The following PSMG4 variants were observed in gnomAD, a reference collection of about 807,000 sequenced individuals.
PSMG4 encodes the protein proteasome (prosome, macropain) assembly chaperone 4.
Under a neutral mutation model 11.0 loss-of-function variants are expected in PSMG4, and 10 were observed. The ratio of observed to expected loss-of-function variants is 0.91; its 90% CI spans 0.56 to 1.54. The LOEUF (loss-of-function observed/expected upper bound fraction) is 1.54. Ranked by LOEUF, PSMG4 falls within the 40% of genes most tolerant of loss-of-function variation. PSMG4 has a pLI of 0.00. For missense variants in PSMG4, 198 were observed against 160.9 expected, an observed-to-expected ratio of 1.23 and a Z score of -1.25; for synonymous variants, 95 against 71.3, an observed-to-expected ratio of 1.33 and a Z score of -1.68.
intron 2 of PSMG4, chr6:3,264,240 G>C: frequency 6.4e-7 from 1 of 1,551,502 alleles, no homozygotes; most frequent in Admixed American, 2.0e-5. Context: ...TGGCCTGTGA[G>C]TGTGGCGTAG....
chr6:3,263,836 T>C (rs1758085167), intron 2 of PSMG4, 77 bp downstream of exon 2: 9 of 1,510,772 alleles, frequency 6.0e-6, no homozygotes, highest in Non-Finnish European at 7.1e-6. Flanking sequence ...GCAAGTCCCT[T>C]CGGAAGTAAA....
Position 3,260,291 on chromosome 6 carries a change from A to ATATTTTT in PSMG4, c.174+1096_174+1097insATTTTTT. 1.7e-3 allele frequency among the ~76,000 whole-genome samples: 120 copies of ATATTTTT among 70,854 alleles called. 1 individual carries two copies. Among genetic ancestry groups the ATATTTTT allele is most frequent in the Non-Finnish European group, 2.6e-3 (101 of 39,602 alleles). 46.5% of individuals were successfully genotyped at this position (70,854 alleles called of 152,430 possible). On this transcript the variant is annotated intron_variant, in intron 1 of 2. Coordinates refer to ENST00000438998, the MANE Select transcript of PSMG4 (RefSeq NM_001128591.2). ...TGTCTTAAATTGTATATATATATAT[A>ATATTTTT]TTTTTTTTTTTTTTTTTTGAAGCAA...
chr6:3,255,532 G>A (rs936478170), upstream of PSMG4, among the ~76,000 whole-genome samples: 4 of 152,284 alleles, frequency 2.6e-5, no homozygotes, highest in East Asian at 7.7e-4. Context: ...CCATGAGTCT[G>A]TATAGACTCC....
At chr6:3,262,185 A>G (rs1470803879) in intron 1 of PSMG4, among the ~76,000 whole-genome samples, 2 of 152,164 alleles carry the variant, frequency 1.3e-5, no homozygotes, top group Admixed American at 1.3e-4. Context: ...CCCGGCCTCT[A>G]GGAGTGGAAG....
At chr6:3,264,232 G>A (rs367666695) in intron 2 of PSMG4, 7 of 1,551,490 alleles carry the variant, frequency 4.5e-6, no homozygotes, top group Middle Eastern at 1.7e-4. Flanking sequence ...GACTGGCCTG[G>A]CCTGTGAGTG....
intron 1 of PSMG4, among the ~76,000 whole-genome samples, chr6:3,260,614 T>A (rs1757954714): frequency 6.6e-6 from 1 of 152,146 alleles, no homozygotes; most frequent in South Asian, 2.1e-4. Context: ...GTGCCGGGAT[T>A]ATAGGCGTTA....
upstream of PSMG4, among the ~76,000 whole-genome samples, chr6:3,254,667 C>G (rs748271600): frequency 6.6e-6 from 1 of 152,222 alleles, no homozygotes; most frequent in South Asian, 2.1e-4. Flanking sequence ...TTCCTTCAAG[C>G]TGCGAAACCA....
upstream of PSMG4, among the ~76,000 whole-genome samples, chr6:3,255,452 C>T (rs576300549): frequency 2.9e-3 from 233 of 79,508 alleles, 1 homozygote; most frequent in Non-Finnish European, 8.9e-3. Context: ...CTCAGACCAC[C>T]ACCTCTTTTA....
chr6:3,264,354 C>T, intron 2 of PSMG4: 2 of 1,541,228 alleles, frequency 1.3e-6, no homozygotes, highest in South Asian at 2.4e-5. Flanking sequence ...CTGCGACCCC[C>T]AGCCCCAGTG....
chr6:3,267,506 C>T (rs565681577), intron 2 of PSMG4, 85 bp from the exon 3 acceptor site: 1 of 1,465,496 alleles, frequency 6.8e-7, no homozygotes, highest in African/African-American at 1.4e-5. Context: ...TCTTTCTGAG[C>T]ATTTCCCAGC....
chr6:3,264,427 C>T, intron 2 of PSMG4: 3 of 1,473,618 alleles, frequency 2.0e-6, no homozygotes, highest in Non-Finnish European at 2.7e-6. Flanking sequence ...CCAGTAGGCC[C>T]AGCTGCTTCT....
chr6:3,254,905 C>T (rs535021183), upstream of PSMG4: 28 of 869,320 alleles, frequency 3.2e-5, no homozygotes, highest in African/African-American at 1.1e-4. Flanking sequence ...AGTGAATGAT[C>T]TCTGAGCTGG....
chr6:3,254,981 G>A (rs1463620195), upstream of PSMG4: 34 of 1,482,084 alleles, frequency 2.3e-5, no homozygotes, highest in Non-Finnish European at 2.9e-5. Context: ...TGTGGCTGTG[G>A]ATCCCATGGA....
intron 1 of PSMG4, 76 bp downstream of exon 1, chr6:3,259,272 C>G (rs1253896648): frequency 1.7e-6 from 2 of 1,188,680 alleles, no homozygotes; most frequent in Non-Finnish European, 2.1e-6. Context: ...AGCTGCAGCC[C>G]CCCAGGCTTC....
upstream of PSMG4, chr6:3,255,200 TTGG>T: frequency 6.4e-7 from 1 of 1,550,402 alleles, no homozygotes; most frequent in Admixed American, 2.0e-5. Context: ...AGTAGGATGT[TTGG>T]TGGCAGCAGG....
At chr6:3,255,762 T>C (rs1046305523), upstream of PSMG4, among the ~76,000 whole-genome samples, 1 of 152,254 alleles carries the variant, frequency 6.6e-6, no homozygotes, top group Non-Finnish European at 1.5e-5. Context: ...ACCAATGTGA[T>C]ATTCTGTGGA....
At chr6:3,254,457 TTG>T (rs1554128576), upstream of PSMG4, among the ~76,000 whole-genome samples, 4 of 151,364 alleles carry the variant, frequency 2.6e-5, no homozygotes, top group South Asian at 8.4e-4. Flanking sequence ...TCTGCTTTTT[TTG>T]TGTGTCTTTT....
Position 3,264,761 on chromosome 6 carries a change from G to C in PSMG4, c.250+1002G>C, listed in dbSNP as rs149181910. 5.2e-4 allele frequency: 80 copies of C among 155,330 alleles called. 1 individual carries two copies. The South Asian group carries it at 0.012, about 23-fold the overall frequency. 9.6% of individuals were successfully genotyped at this position (155,330 alleles called of 1,614,324 possible). A position where few individuals can be genotyped will look rare whatever the true frequency, so the allele number is the denominator to read the frequency against. The stretch of plus-strand genomic sequence containing the variant: ...TTACAGAAAAGTTGCAAAGAAGATA[G>C]AATTCCTGCTTAGCTTTTGCCCCAA... On this transcript the variant is annotated intron_variant, in intron 2 of 2. Transcript: ENST00000438998.
chr6:3,263,027 C>A (rs948025612), intron 1 of PSMG4, among the ~76,000 whole-genome samples: 1 of 152,158 alleles, frequency 6.6e-6, no homozygotes, highest in African/African-American at 2.4e-5. Flanking sequence ...TCCCACATCG[C>A]CGGAGGGCCC....
Sources: gnomAD v4.1 joint callset for allele counts (sites outside exome capture counted in the v4.1 genomes callset) on GRCh38, gnomAD v4.1.1 for gene constraint, MANE v1.5 for transcripts, NCBI Gene and HGNC (gene_info 2026-07-23, HGNC 2026-07-21) for gene names.